VANGL1: variants seen among roughly 807,000 people sequenced by gnomAD.
The protein encoded by VANGL1 is vang-like protein 1.
In VANGL1, 18 loss-of-function variants were observed where a neutral mutation model predicts 48.4. The observed-to-expected ratio is 0.37, with a 90% confidence interval of 0.26 to 0.55. VANGL1 has a LOEUF of 0.55. Ranked by LOEUF, VANGL1 falls within the 20% of genes least tolerant of loss-of-function variation. The pLI, the probability that VANGL1 is intolerant of heterozygous loss-of-function variation, is 0.81. For synonymous variants in VANGL1, 257 were observed against 261.8 expected, an observed-to-expected ratio of 0.98 and a Z score of 0.18; for missense variants, 667 against 675.8, an observed-to-expected ratio of 0.99 and a Z score of 0.14.
chr1:115,681,502 TG>T (rs780802206), intron 4 of VANGL1, among the ~76,000 whole-genome samples: 15 of 82,630 alleles, frequency 1.8e-4, no homozygotes, highest in African/African-American at 6.0e-4. Flanking sequence ...TTTTTTTTGT[TG>T]TTTTTTTTGT....
Position 115,651,370 on chromosome 1 carries a change from G to A in VANGL1, c.-44G>A. The A allele has an allele frequency of 1.3e-6, 2 of 1,590,374 alleles. No homozygotes were observed. The highest frequency in any genetic ancestry group is 1.1e-5 in the South Asian group (1 of 90,262). ...AGGTGAAATTTTCTACCTCTAAGGA[G>A]AAACAGTACCTGCTCCTTCCTCAAG... On this transcript the variant is annotated 5_prime_UTR_variant, in exon 2 of 8. Coordinates refer to ENST00000355485, the MANE Select transcript of VANGL1 (RefSeq NM_138959.3).
At chr1:115,658,457 A>G (rs139464042) in intron 2 of VANGL1, among the ~76,000 whole-genome samples, 3 of 152,360 alleles carry the variant, frequency 2.0e-5, no homozygotes, top group Non-Finnish European at 4.4e-5. Context: ...CACTACTTAC[A>G]TTATGTGGTG....
intron 3 of VANGL1, among the ~76,000 whole-genome samples, chr1:115,661,825 C>T (rs1052606967): frequency 3.9e-5 from 6 of 152,088 alleles, no homozygotes; most frequent in Non-Finnish European, 2.9e-5. Context: ...ACCATGTTGG[C>T]CAGGCTGGTC....
chr1:115,651,156 C>T, intron 1 of VANGL1, 121 bp from the exon 2 acceptor site: 1 of 490,718 alleles, frequency 2.0e-6, no homozygotes, highest in South Asian at 2.1e-5. Flanking sequence ...TTGCTTCACC[C>T]TCACTCGCTT....
intron 3 of VANGL1, among the ~76,000 whole-genome samples, chr1:115,660,659 TAAAC>T (rs766083889): frequency 5.4e-4 from 82 of 152,256 alleles, no homozygotes; most frequent in Middle Eastern, 6.8e-3. Context: ...TTGCCCCTCA[TAAAC>T]AAAGTGGTGT....
chr1:115,682,232 A>G (rs1343128524), intron 4 of VANGL1, 132 bp from the exon 5 acceptor site: 9 of 1,281,916 alleles, frequency 7.0e-6, no homozygotes, highest in East Asian at 2.5e-5. Flanking sequence ...GTGTGGTGGA[A>G]CCCAGTGGAC....
intron 4 of VANGL1, among the ~76,000 whole-genome samples, chr1:115,675,891 A>G (rs1653142832): frequency 6.6e-6 from 1 of 152,164 alleles, no homozygotes; most frequent in Admixed American, 6.5e-5. Flanking sequence ...GCTTGGGTGA[A>G]CACTAAGATT....
At chr1:115,675,638 A>T (rs1653133258) in intron 4 of VANGL1, among the ~76,000 whole-genome samples, 1 of 152,090 alleles carries the variant, frequency 6.6e-6, no homozygotes. Context: ...CATCTCCACT[A>T]AAAATCAGCC....
In VANGL1 at chr1:115,664,178, T is replaced by A. The variant is rs1382368826; in HGVS notation, c.722T>A (p.Leu241Gln). 1 of 1,614,110 alleles carries A rather than the reference T, an allele frequency of 6.2e-7. No homozygotes were observed. Among genetic ancestry groups the A allele is most frequent in the Non-Finnish European group, 8.5e-7 (1 of 1,179,944 alleles). Residue 241 changes from leucine to glutamine, a missense_variant, in exon 4 of 8, where the codon CTG (leucine) becomes CAG (glutamine). Transcript: ENST00000355485. ...LFIHYLAIVL[L>Q]ELRQLQPMFT... The stretch of plus-strand genomic sequence containing the variant: ...ATCCATTACCTGGCCATCGTCCTGC[T>A]GGAGCTCAGGCAGCTGCAGCCCATG...
Position 115,682,371 on chromosome 1 carries a change from C to T in VANGL1, c.820C>T (p.Arg274Ter), listed in dbSNP as rs1570769947. Reference protein sequence around the residue: ...FYSLGHLSIQRAALVVLENYY... With the variant: ...FYSLGHLSIQ ...TTGTTCTTTTTTTCTCAGTATCCAG[C>T]GAGCAGCATTGGTGGTCCTAGAAAA... is the stretch of plus-strand genomic sequence containing the variant. Residue 274 changes from arginine (R) to a stop codon, truncating the protein, a stop_gained, in exon 5 of 8, where the codon CGA (arginine) becomes TGA (stop). Coordinates refer to ENST00000355485, the MANE Select transcript of VANGL1 (RefSeq NM_138959.3). LOFTEE classifies it high-confidence loss of function. 3.1e-6 allele frequency: 5 copies of T among 1,613,996 alleles called. No homozygotes were observed. Among genetic ancestry groups the T allele is most frequent in the Non-Finnish European group, 3.4e-6 (4 of 1,180,036 alleles).
At chr1:115,672,108 G>T (rs1034850055) in intron 4 of VANGL1, among the ~76,000 whole-genome samples, 9 of 152,180 alleles carry the variant, frequency 5.9e-5, no homozygotes, top group African/African-American at 2.2e-4. Flanking sequence ...CTCCGGGCAT[G>T]CTCTGGGTAT....
chr1:115,663,388 A>G (rs987519201), intron 3 of VANGL1, among the ~76,000 whole-genome samples: 1 of 152,210 alleles, frequency 6.6e-6, no homozygotes, highest in Non-Finnish European at 1.5e-5. Context: ...AGGGGATGAT[A>G]ATCAATGTTA....
Position 115,684,246 on chromosome 1 carries a change from C to T in VANGL1, c.1079+170C>T, listed in dbSNP as rs538106595. Among the ~76,000 whole-genome samples the T allele has an allele frequency of 5.2e-4, 79 of 152,156 alleles. 1 individual carries two copies. The highest frequency in any genetic ancestry group is 1.9e-3 in the African/African-American group (77 of 41,496). On this transcript the variant is annotated intron_variant, in intron 6 of 7. Coordinates refer to ENST00000355485, the MANE Select transcript of VANGL1 (RefSeq NM_138959.3). ...CTCTGCCTCCCAGGTTCCAGTGATT[C>T]TCATGCCTCAGCCTCCCAAATAGCT...
chr1:115,674,067 C>T lies in VANGL1; in HGVS notation c.813-8297C>T, dbSNP rs532209733. ...TTCTCCAAGTTGTGCTGTCCTGTGA[C>T]TGAACACTGACCCTGTTGCTCTATT... is the stretch of plus-strand genomic sequence containing the variant. On this transcript the variant is annotated intron_variant, in intron 4 of 7. Transcript: ENST00000355485. Among the ~76,000 whole-genome samples, 10 of 152,332 alleles carry T rather than the reference C, an allele frequency of 6.6e-5. No homozygotes were observed. The South Asian group carries it at 2.1e-3, about 32-fold the overall frequency.
At chr1:115,669,984 G>T (rs1652915212) in intron 4 of VANGL1, among the ~76,000 whole-genome samples, 1 of 152,174 alleles carries the variant, frequency 6.6e-6, no homozygotes, top group African/African-American at 2.4e-5. Flanking sequence ...CTAACCTCCA[G>T]TGTGGCATAT....
chr1:115,676,338 T>A (rs1387756261), intron 4 of VANGL1, among the ~76,000 whole-genome samples: 4 of 152,066 alleles, frequency 2.6e-5, no homozygotes, highest in African/African-American at 9.7e-5. Context: ...TAGCATAACT[T>A]TGTGGCCCCA....
At position 115,664,084 on chromosome 1, in the gene VANGL1, G is replaced by C; in HGVS notation, c.628G>C (p.Asp210His). Residue 210 changes from aspartate (D) to histidine (H), a missense_variant, in exon 4 of 8, where the codon GAC (aspartate) becomes CAC (histidine). Coordinates refer to ENST00000355485, the MANE Select transcript of VANGL1 (RefSeq NM_138959.3). ...GCTTTTTTACGGGGTCCGCATTTTG[G>C]ACTCTCGGGACCGGAATTACCAGGG... Reference protein sequence around the residue: ...YWLFYGVRILDSRDRNYQGIV... With the variant: ...YWLFYGVRILHSRDRNYQGIV... 1 of 1,614,120 alleles carries C rather than the reference G, an allele frequency of 6.2e-7. No individual in the cohort carries two copies. Among genetic ancestry groups the C allele is most frequent in the Non-Finnish European group, 8.5e-7 (1 of 1,180,030 alleles).
At chr1:115,653,621 G>T (rs1389970401) in intron 2 of VANGL1, among the ~76,000 whole-genome samples, 1 of 152,120 alleles carries the variant, frequency 6.6e-6, no homozygotes, top group African/African-American at 2.4e-5. Context: ...ACGCTTCGGG[G>T]CCCATTGCTA....
At chr1:115,644,717 G>A (rs866481316) in intron 1 of VANGL1, among the ~76,000 whole-genome samples, 5 of 152,094 alleles carry the variant, frequency 3.3e-5, no homozygotes, top group South Asian at 2.1e-4. Flanking sequence ...ATCTGGCAGG[G>A]AACAAGGGAG....
Sources: allele counts gnomAD v4.1 joint callset (sites outside exome capture counted in the v4.1 genomes callset), GRCh38; gene constraint gnomAD v4.1.1; transcripts MANE v1.5; gene names NCBI Gene and HGNC (gene_info 2026-07-23, HGNC 2026-07-21).